The following EGFR variants were observed in gnomAD, a reference collection of about 807,000 sequenced individuals.
EGFR encodes the protein avian erythroblastic leukemia viral (v-erb-b) oncogene homolog.
A neutral mutation model predicts 143.0 loss-of-function variants in EGFR; 58 were observed. The ratio of observed to expected loss-of-function variants is 0.41; its 90% CI spans 0.33 to 0.50. The LOEUF (loss-of-function observed/expected upper bound fraction) is 0.50, where lower values mean the gene tolerates loss of function less well. EGFR is among the 20% of genes least tolerant of loss of function. The probability of loss-of-function intolerance (pLI) is 0.39; values close to 1 mark genes in which losing one functional copy is unlikely to be tolerated. For missense variants in EGFR, 1,307 were observed against 1,579.0 expected, an observed-to-expected ratio of 0.83 and a Z score of 2.92; for synonymous variants, 613 against 594.4, an observed-to-expected ratio of 1.03 and a Z score of -0.45.
intron 16 of EGFR, among the ~76,000 whole-genome samples, 191 bp downstream of exon 16, chr7:55,171,404 C>G (rs144552347): frequency 6.6e-6 from 1 of 152,360 alleles, no homozygotes; most frequent in African/African-American, 2.4e-5. Context: ...CACGTGCCAA[C>G]TTTGTCCTCA....
At chr7:55,071,307 G>A (rs1441009396) in intron 1 of EGFR, among the ~76,000 whole-genome samples, 5 of 152,206 alleles carry the variant, frequency 3.3e-5, no homozygotes, top group African/African-American at 4.8e-5. Flanking sequence ...ATATTTTCAC[G>A]TGAAGACTTT....
rs1397255836 is a variant in EGFR, at chr7:55,019,119, C to T, written c.-159C>T. 3 of 413,398 alleles carry T rather than the reference C, an allele frequency of 7.3e-6. No individual in the cohort carries two copies. The East Asian group carries it at 1.4e-4, about 19-fold the overall frequency. 25.6% of individuals were successfully genotyped at this position (413,398 alleles called of 1,614,324 possible). ...CGAGGCGGCCGGAGTCCCGAGCTAG[C>T]CCCGGCGGCCGCCGCCGCCCAGACC... On this transcript the variant is annotated 5_prime_UTR_variant, in exon 1 of 28. Transcript: ENST00000275493.
At chr7:55,091,901 GAGAA>G (rs1791149991) in intron 1 of EGFR, among the ~76,000 whole-genome samples, 1 of 149,276 alleles carries the variant, frequency 6.7e-6, no homozygotes, top group Admixed American at 6.6e-5. Context: ...CCCTGAGAGA[GAGAA>G]AGAGAGAGAG....
chr7:55,157,793 CCT>C (rs763860691), intron 11 of EGFR, 40 bp downstream of exon 11: 2 of 1,602,422 alleles, frequency 1.2e-6, no homozygotes, highest in Non-Finnish European at 1.7e-6. Context: ...ATTACATTTG[CCT>C]TTTTAGTTGG....
chr7:55,197,502 C>T (rs1787666863), intron 22 of EGFR, among the ~76,000 whole-genome samples: 1 of 152,120 alleles, frequency 6.6e-6, no homozygotes, highest in African/African-American at 2.4e-5. Context: ...TCCATTATTT[C>T]TTTCTCTCAC....
intron 15 of EGFR, among the ~76,000 whole-genome samples, chr7:55,167,501 ATGG>A (rs372699612): frequency 0.04 from 4,883 of 122,774 alleles, no homozygotes; most frequent in Admixed American, 0.086. Context: ...GGGAGTCACA[ATGG>A]TGGTGGTGGT....
At chr7:55,072,677 C>G (rs1022481428) in intron 1 of EGFR, among the ~76,000 whole-genome samples, 2 of 152,194 alleles carry the variant, frequency 1.3e-5, no homozygotes, top group African/African-American at 4.8e-5. Flanking sequence ...TTTATTACTG[C>G]TTGTCGTAGC....
In EGFR at chr7:55,157,707, C is replaced by T. The variant is rs1390766480; in HGVS notation, c.1252C>T (p.His418Tyr). ...TTGGCCTGAAAACAGGACGGACCTCCATGCCTTTGAGAACCTAGAAATCAT... is the reference window on the plus strand; with the variant it reads ...TTGGCCTGAAAACAGGACGGACCTCTATGCCTTTGAGAACCTAGAAATCAT... Reference protein sequence around the residue: ...QAWPENRTDLHAFENLEIIRG... With the variant: ...QAWPENRTDLYAFENLEIIRG... Residue 418 changes from histidine (H) to tyrosine (Y), a missense_variant, in exon 11 of 28, where the codon CAT becomes TAT. Coordinates refer to ENST00000275493, the MANE Select transcript of EGFR (RefSeq NM_005228.5). The T allele has an allele frequency of 6.2e-7, 1 of 1,614,246 alleles. No individual in the cohort carries two copies. The highest frequency in any genetic ancestry group is 1.7e-5 in the Admixed American group (1 of 60,028).
chr7:55,044,599 G>A (rs570395262), intron 1 of EGFR, among the ~76,000 whole-genome samples: 131 of 152,296 alleles, frequency 8.6e-4, no homozygotes, highest in African/African-American at 2.9e-3. Context: ...GCACACCTGC[G>A]GGGTGTCCCC....
At position 55,163,742 on chromosome 7, in the gene EGFR, GGA is replaced by G; in HGVS notation, c.1643_1644del (p.Glu548ValfsTer6). ...CTCTTCCTCCTCTCAGTGAGCCAAG[GGA>G]GTTTGTGGAGAACTCTGAGTGCATA... Reference protein sequence around the residue: ...KCNLLEGEPREFVENSECIQC... With the variant: ...KCNLLEGEPRXFVENSECIQC... On this transcript the variant is annotated frameshift_variant, in exon 14 of 28. Transcript: ENST00000275493. LOFTEE classifies it high-confidence loss of function. 3 of 1,614,192 alleles carry G rather than the reference GGA, an allele frequency of 1.9e-6. No homozygotes were observed. The highest frequency in any genetic ancestry group is 2.5e-6 in the Non-Finnish European group (3 of 1,180,022).
At position 55,198,852 on chromosome 7, in the gene EGFR, T is replaced by C; in HGVS notation, c.2837T>C (p.Ile946Thr). 1.2e-6 allele frequency: 2 copies of C among 1,614,218 alleles called. No individual in the cohort carries two copies. Among genetic ancestry groups the C allele is most frequent in the Non-Finnish European group, 1.7e-6 (2 of 1,180,034 alleles). ...ATATGTACCATCGATGTCTACATGATCATGGTCAAGTGTGAGTGACTGGTG... is the reference window on the plus strand; with the variant it reads ...ATATGTACCATCGATGTCTACATGACCATGGTCAAGTGTGAGTGACTGGTG... ...PPICTIDVYMIMVKCWMIDAD... is the reference protein window; with the variant it reads ...PPICTIDVYMTMVKCWMIDAD... The change falls in exon 23 of 28, where the codon ATC (isoleucine) becomes ACC (threonine). Residue 946 changes from isoleucine (I) to threonine (T), a missense_variant. Ile to Thr is a moderately conservative substitution (Grantham distance 89, BLOSUM62 -1). Coordinates refer to ENST00000275493, the MANE Select transcript of EGFR (RefSeq NM_005228.5).
intron 1 of EGFR, among the ~76,000 whole-genome samples, chr7:55,123,208 A>G (rs924980405): frequency 2.0e-5 from 3 of 152,224 alleles, no homozygotes; most frequent in African/African-American, 4.8e-5. Flanking sequence ...AAAATGTGAT[A>G]TGTGATTACA....
intron 1 of EGFR, among the ~76,000 whole-genome samples, chr7:55,040,810 G>C (rs1787855535): frequency 6.6e-6 from 1 of 152,112 alleles, no homozygotes; most frequent in African/African-American, 2.4e-5. Context: ...AATTAACTAG[G>C]TAAGAGGTCA....
At chr7:55,053,398 G>A (rs1269885931) in intron 1 of EGFR, among the ~76,000 whole-genome samples, 1 of 152,108 alleles carries the variant, frequency 6.6e-6, no homozygotes, top group African/African-American at 2.4e-5. Flanking sequence ...ATGGGGCCTG[G>A]TCTAAGCCAG....
At chr7:55,187,618 C>T (rs566957596) in intron 20 of EGFR, among the ~76,000 whole-genome samples, 6 of 152,336 alleles carry the variant, frequency 3.9e-5, no homozygotes, top group Non-Finnish European at 7.4e-5. Flanking sequence ...GGGAAGGTGG[C>T]AAGCTGGCCT....
At chr7:55,114,243 A>G (rs1365612174) in intron 1 of EGFR, among the ~76,000 whole-genome samples, 1 of 152,226 alleles carries the variant, frequency 6.6e-6, no homozygotes, top group Non-Finnish European at 1.5e-5. Context: ...ACCATTTAAT[A>G]TTTTAAAAGA....
At position 55,155,895 on chromosome 7, in the gene EGFR, G is replaced by T. The variant is rs1175454134; in HGVS notation, c.955G>T (p.Glu319Ter). 6.2e-7 allele frequency: 1 copy of T among 1,614,132 alleles called. No individual in the cohort carries two copies. Among genetic ancestry groups the T allele is most frequent in the Admixed American group, 1.7e-5 (1 of 60,028 alleles). The change falls in exon 8 of 28, where the codon GAG (glutamate) becomes TAG (stop). Residue 319 changes from glutamate (E) to a stop codon, truncating the protein, a stop_gained. Coordinates refer to ENST00000275493, the MANE Select transcript of EGFR (RefSeq NM_005228.5). LOFTEE classifies it high-confidence loss of function. ...RACGADSYEM[E>*]EDGVRKCKKC... ...CTGTGGGGCCGACAGCTATGAGATGGAGGAAGACGGCGTCCGCAAGTGTAA... is the reference window on the plus strand; with the variant it reads ...CTGTGGGGCCGACAGCTATGAGATGTAGGAAGACGGCGTCCGCAAGTGTAA...
chr7:55,084,622 A>G (rs1455980214), intron 1 of EGFR, among the ~76,000 whole-genome samples: 2 of 152,260 alleles, frequency 1.3e-5, no homozygotes, highest in African/African-American at 4.8e-5. Flanking sequence ...AGAAGAGTTC[A>G]GTTACAAGGC....
At chr7:55,059,935 C>G (rs966296051) in intron 1 of EGFR, among the ~76,000 whole-genome samples, 2 of 152,078 alleles carry the variant, frequency 1.3e-5, no homozygotes, top group African/African-American at 2.4e-5. Flanking sequence ...GCTGGAGACA[C>G]AGAGACCCAG....
Sources: gnomAD v4.1 joint callset for allele counts (sites outside exome capture counted in the v4.1 genomes callset) on GRCh38, gnomAD v4.1.1 for gene constraint, MANE v1.5 for transcripts, NCBI Gene and HGNC (gene_info 2026-07-23, HGNC 2026-07-21) for gene names.